The following BABAM2 variants were observed in gnomAD, a reference collection of about 807,000 sequenced individuals.
The protein encoded by BABAM2 is BRISC and BRCA1 A complex member 2.
In BABAM2, 31 loss-of-function variants were observed where a neutral mutation model predicts 54.7. The ratio of observed to expected loss-of-function variants is 0.57; its 90% CI spans 0.43 to 0.77. BABAM2 has a LOEUF of 0.77. Among genes scored for constraint, BABAM2 ranks in the 30% least tolerant of loss-of-function variants. The pLI is 0.00. For missense variants in BABAM2, 364 were observed against 455.8 expected, an observed-to-expected ratio of 0.80 and a Z score of 1.83; for synonymous variants, 167 against 162.9, an observed-to-expected ratio of 1.03 and a Z score of -0.19.
intron 7 of BABAM2, among the ~76,000 whole-genome samples, chr2:28,154,252 A>G (rs1314518582): frequency 6.6e-6 from 1 of 152,254 alleles, no homozygotes; most frequent in East Asian, 1.9e-4. Flanking sequence ...CATATTAAAC[A>G]AAATAGGCAA....
At chr2:28,255,103 C>T (rs78891880) in intron 10 of BABAM2, among the ~76,000 whole-genome samples, 2,252 of 152,182 alleles carry the variant, frequency 0.015, 47 homozygotes, top group African/African-American at 0.052. Flanking sequence ...TTAATATCAC[C>T]TAATACCCAG....
At chr2:28,335,326 C>A (rs1169682923) in intron 11 of BABAM2, among the ~76,000 whole-genome samples, 1 of 152,062 alleles carries the variant, frequency 6.6e-6, no homozygotes, top group Non-Finnish European at 1.5e-5. Flanking sequence ...CCCACCACCA[C>A]ACCCGGCTAA....
chr2:28,040,318 T>TTTTTTC (rs869261667), intron 5 of BABAM2, among the ~76,000 whole-genome samples: 1 of 92,994 alleles, frequency 1.1e-5, no homozygotes, highest in Non-Finnish European at 2.3e-5. Context: ...TTTTTTTTTT[T>TTTTTTC]GAGACGGAGT....
chr2:28,146,900 G>A (rs1030856487), intron 7 of BABAM2, among the ~76,000 whole-genome samples: 2 of 152,224 alleles, frequency 1.3e-5, no homozygotes, highest in Non-Finnish European at 2.9e-5. Context: ...CCCGAAGGGA[G>A]TACTGAAACT....
intron 4 of BABAM2, chr2:28,016,578 C>T: frequency 1.8e-6 from 1 of 549,802 alleles, no homozygotes; most frequent in Non-Finnish European, 3.3e-6. Context: ...TTCTAATTAA[C>T]TTCTGTACAT....
At position 28,127,804 on chromosome 2, in the gene BABAM2, G is replaced by T. The variant is rs184045138; in HGVS notation, c.571-1467G>T. On this transcript the variant is annotated intron_variant, in intron 6 of 11. Transcript: ENST00000379624. ...ATACAATGTCAAGCTCATGAGTAGT[G>T]AGTCTTTTTTTTTTTTTTTTGAGGT... 2.2e-3 allele frequency among the ~76,000 whole-genome samples: 319 copies of T among 147,702 alleles called. 2 individuals are homozygous for T. The highest frequency in any genetic ancestry group is 4.0e-3 in the Non-Finnish European group (267 of 67,000).
chr2:27,935,874 C>A (rs1332940084), intron 3 of BABAM2, among the ~76,000 whole-genome samples: 1 of 152,152 alleles, frequency 6.6e-6, no homozygotes, highest in African/African-American at 2.4e-5. Context: ...TCATTGTTAG[C>A]ATTTTTTAGC....
chr2:28,265,795 C>T (rs982378366), intron 10 of BABAM2, among the ~76,000 whole-genome samples: 1 of 152,102 alleles, frequency 6.6e-6, no homozygotes, highest in Non-Finnish European at 1.5e-5. Context: ...GTACCTTTAA[C>T]AATTTTTTAA....
At chr2:28,157,844 C>G (rs964185838) in intron 7 of BABAM2, among the ~76,000 whole-genome samples, 2 of 152,118 alleles carry the variant, frequency 1.3e-5, no homozygotes, top group Admixed American at 6.5e-5. Context: ...CTCCTGACCT[C>G]GTGATCTGCC....
At chr2:28,056,270 A>G (rs1161500274) in intron 6 of BABAM2, among the ~76,000 whole-genome samples, 2 of 152,214 alleles carry the variant, frequency 1.3e-5, no homozygotes, top group Non-Finnish European at 2.9e-5. Flanking sequence ...TGCTCTGGCC[A>G]TAAAAACAAC....
chr2:28,277,244 T>G (rs367672542), intron 10 of BABAM2, among the ~76,000 whole-genome samples: 6 of 152,272 alleles, frequency 3.9e-5, no homozygotes, highest in African/African-American at 1.2e-4. Flanking sequence ...TAGCTGGGAC[T>G]ACAGGTGCCC....
At chr2:28,251,324 T>C (rs1280961825) in intron 10 of BABAM2, among the ~76,000 whole-genome samples, 4 of 152,204 alleles carry the variant, frequency 2.6e-5, no homozygotes, top group Non-Finnish European at 5.9e-5. Flanking sequence ...TCTTTCCTTA[T>C]AGGCCTGTAA....
At chr2:28,126,002 A>T (rs2148760553) in intron 6 of BABAM2, among the ~76,000 whole-genome samples, 1 of 152,320 alleles carries the variant, frequency 6.6e-6, no homozygotes, top group Non-Finnish European at 1.5e-5. Flanking sequence ...GTTTGAAGCT[A>T]CCTACACACA....
intron 4 of BABAM2, chr2:28,015,951 C>T: frequency 1.7e-6 from 1 of 590,388 alleles, no homozygotes; most frequent in Non-Finnish European, 3.1e-6. Flanking sequence ...ATATCTTTCT[C>T]TTTTTTCTGA....
At chr2:28,059,171 A>G (rs1324198637) in intron 6 of BABAM2, among the ~76,000 whole-genome samples, 2 of 152,200 alleles carry the variant, frequency 1.3e-5, no homozygotes, top group Non-Finnish European at 2.9e-5. Context: ...TTGACATTTA[A>G]TACAGAACTA....
At chr2:28,335,887 C>T (rs1264756297) in intron 11 of BABAM2, among the ~76,000 whole-genome samples, 1 of 152,154 alleles carries the variant, frequency 6.6e-6, no homozygotes, top group Admixed American at 6.5e-5. Context: ...TCTGTGACAT[C>T]CCCGGGTTGC....
chr2:28,202,372 C>A (rs1573830059), intron 7 of BABAM2, among the ~76,000 whole-genome samples: 1 of 152,066 alleles, frequency 6.6e-6, no homozygotes. Context: ...GAGCTTCCCC[C>A]TCCTGCTTCC....
intron 5 of BABAM2, among the ~76,000 whole-genome samples, chr2:28,045,397 T>G (rs1419337204): frequency 6.6e-6 from 1 of 152,200 alleles, no homozygotes; most frequent in African/African-American, 2.4e-5. Context: ...TCTTTATTGT[T>G]TGGGATTAAA....
chr2:28,147,508 C>T (rs1416834808), intron 7 of BABAM2, among the ~76,000 whole-genome samples: 2 of 150,458 alleles, frequency 1.3e-5, no homozygotes, highest in Admixed American at 1.3e-4. Context: ...GAGTCTCACT[C>T]TGTCCCCCAG....
Sources: allele counts gnomAD v4.1 joint callset (sites outside exome capture counted in the v4.1 genomes callset), GRCh38; gene constraint gnomAD v4.1.1; transcripts MANE v1.5; gene names NCBI Gene and HGNC (gene_info 2026-07-23, HGNC 2026-07-21).